EYS: variants seen among roughly 807,000 people sequenced by gnomAD.
The protein encoded by EYS is protein eyes shut homolog.
EYS carries 250 observed loss-of-function variants against 282.1 expected under a neutral mutation model. The observed-to-expected ratio is 0.89, with a 90% CI of 0.80 to 0.98. The LOEUF is 0.98. Among genes scored for constraint, EYS ranks in the 50% least tolerant of loss-of-function variants. The pLI, the probability that EYS is intolerant of heterozygous loss-of-function variation, is 0.00. For synonymous variants in EYS, 1,355 were observed against 1,282.9 expected, an observed-to-expected ratio of 1.06 and a Z score of -1.20; for missense variants, 4,016 against 3,709.0, an observed-to-expected ratio of 1.08 and a Z score of -2.15.
At chr6:65,403,488 G>A (rs895983420) in intron 6 of EYS, among the ~76,000 whole-genome samples, 6 of 151,556 alleles carry the variant, frequency 4.0e-5, no homozygotes, top group Admixed American at 2.0e-4. Context: ...TAAAAAGCCC[G>A]TATACTTAAA....
chr6:65,646,653 A>G (rs1164336242), intron 1 of EYS, among the ~76,000 whole-genome samples: 2 of 152,210 alleles, frequency 1.3e-5, no homozygotes, highest in Non-Finnish European at 2.9e-5. Context: ...TATTCAACAC[A>G]GTACTTGAAG....
intron 8 of EYS, among the ~76,000 whole-genome samples, chr6:65,382,394 A>T (rs9445535): frequency 6.8e-6 from 1 of 146,670 alleles, no homozygotes; most frequent in African/African-American, 2.5e-5. Flanking sequence ...AAATTATCTT[A>T]GTGTTTCTGA....
intron 36 of EYS, among the ~76,000 whole-genome samples, chr6:63,859,898 A>G (rs1039495781): frequency 6.6e-6 from 1 of 152,166 alleles, no homozygotes; most frequent in African/African-American, 2.4e-5. Flanking sequence ...ACATATTAAG[A>G]TGGTAGATAT....
intron 24 of EYS, among the ~76,000 whole-genome samples, chr6:64,614,538 C>A (rs1383119087): frequency 6.6e-6 from 1 of 151,964 alleles, no homozygotes; most frequent in Non-Finnish European, 1.5e-5. Context: ...ACAATGATGA[C>A]CAAAATGAAA....
chr6:65,504,797 T>C (rs925786082), intron 2 of EYS, among the ~76,000 whole-genome samples: 2 of 151,646 alleles, frequency 1.3e-5, no homozygotes, highest in African/African-American at 4.8e-5. Context: ...TTTTACTTAT[T>C]GTTGGATTCA....
intron 26 of EYS, among the ~76,000 whole-genome samples, chr6:64,480,979 A>G (rs1776419569): frequency 6.6e-6 from 1 of 151,522 alleles, no homozygotes; most frequent in African/African-American, 2.4e-5. Context: ...AATATACCAC[A>G]TTTTCACAAA....
At chr6:63,756,406 C>T (rs758410228) in intron 41 of EYS, among the ~76,000 whole-genome samples, 2 of 152,102 alleles carry the variant, frequency 1.3e-5, no homozygotes, top group Non-Finnish European at 2.9e-5. Context: ...GTCATTGGTT[C>T]TGTTTATGTG....
At position 64,923,121 on chromosome 6, in the gene EYS, C is replaced by T. The variant is rs142310295; in HGVS notation, c.2382-10378G>A. Among the ~76,000 whole-genome samples, 417 of 151,906 alleles carry T rather than the reference C, an allele frequency of 2.7e-3. 5 individuals carry two copies. The highest frequency in any genetic ancestry group is 9.3e-3 in the African/African-American group (384 of 41,386). On this transcript the variant is annotated intron_variant, in intron 15 of 42. Transcript: ENST00000503581. ...TAGTGGCTGTATTAGTCTGTTTTCA[C>T]GCTGCTGATAAAGACATACTAGACA... is the stretch of plus-strand genomic sequence containing the variant.
chr6:63,766,766 T>C (rs902576185), intron 40 of EYS, among the ~76,000 whole-genome samples: 2 of 151,972 alleles, frequency 1.3e-5, no homozygotes, highest in African/African-American at 4.8e-5. Flanking sequence ...ATCCACCTTT[T>C]AGTCACCATT....
intron 35 of EYS, among the ~76,000 whole-genome samples, chr6:63,977,942 G>A (rs1207171943): frequency 1.3e-5 from 2 of 151,996 alleles, no homozygotes; most frequent in Non-Finnish European, 1.5e-5. Context: ...ACCTGGCATA[G>A]GGCTGATGAC....
intron 2 of EYS, among the ~76,000 whole-genome samples, chr6:65,573,943 GTA>G (rs1764568409): frequency 6.6e-6 from 1 of 152,128 alleles, no homozygotes; most frequent in African/African-American, 2.4e-5. Context: ...GAGTTAAGCA[GTA>G]TCCTAGTCCT....
At chr6:63,777,863 A>G (rs922595263) in intron 40 of EYS, 143 bp downstream of exon 40, 6 of 779,530 alleles carry the variant, frequency 7.7e-6, no homozygotes, top group African/African-American at 6.9e-5. Flanking sequence ...CTGTCCTCCC[A>G]TCATGTAACA....
intron 1 of EYS, among the ~76,000 whole-genome samples, chr6:65,673,676 C>T (rs1768479288): frequency 2.0e-5 from 3 of 151,956 alleles, no homozygotes; most frequent in Non-Finnish European, 4.4e-5. Flanking sequence ...ATGAAAGTTC[C>T]ACTGAATACC....
chr6:65,477,265 A>AAAAC (rs1259010050), intron 5 of EYS, among the ~76,000 whole-genome samples: 1 of 152,182 alleles, frequency 6.6e-6, no homozygotes, highest in African/African-American at 2.4e-5. Flanking sequence ...ACTTCCCCAT[A>AAAAC]AAACACATTT....
chr6:64,471,264 A>G (rs931782183), intron 26 of EYS, among the ~76,000 whole-genome samples: 9 of 152,142 alleles, frequency 5.9e-5, no homozygotes, highest in African/African-American at 2.2e-4. Context: ...AAGAACGAAA[A>G]ATAAAAGCCA....
chr6:64,627,806 G>A (rs916785757), intron 22 of EYS, among the ~76,000 whole-genome samples: 9 of 152,214 alleles, frequency 5.9e-5, no homozygotes, highest in African/African-American at 2.4e-5. Flanking sequence ...AGGGCCGGGG[G>A]CGGTGGCTCA....
intron 31 of EYS, among the ~76,000 whole-genome samples, chr6:64,107,205 G>A (rs186901881): frequency 3.5e-5 from 5 of 144,036 alleles, no homozygotes; most frequent in South Asian, 2.2e-4. Context: ...TTCAAACAGT[G>A]TATGAGTTGG....
intron 35 of EYS, among the ~76,000 whole-genome samples, chr6:63,975,042 A>G (rs1766767348): frequency 6.6e-6 from 1 of 151,922 alleles, no homozygotes; most frequent in Admixed American, 6.6e-5. Flanking sequence ...AAGAAAGAAT[A>G]AATGACCTCA....
intron 1 of EYS, among the ~76,000 whole-genome samples, chr6:65,667,677 T>C (rs1307290351): frequency 6.6e-6 from 1 of 151,912 alleles, no homozygotes; most frequent in Non-Finnish European, 1.5e-5. Flanking sequence ...TGTTCATTCA[T>C]CTACCTCTTG....
Sources: allele counts gnomAD v4.1 joint callset (sites outside exome capture counted in the v4.1 genomes callset), GRCh38; gene constraint gnomAD v4.1.1; transcripts MANE v1.5; gene names NCBI Gene and HGNC (gene_info 2026-07-23, HGNC 2026-07-21).